SERPINA9: variants seen among roughly 807,000 people sequenced by gnomAD.
The protein encoded by SERPINA9 is serpin family A member 9.
In SERPINA9, 32 loss-of-function variants were observed where a neutral mutation model predicts 24.5. That is an observed-to-expected ratio of 1.30 (90% CI 0.98 to 1.75). The LOEUF is 1.75. SERPINA9 is among the 40% of genes most tolerant of loss of function. The pLI, the probability that SERPINA9 is intolerant of heterozygous loss-of-function variation, is 0.00. For synonymous variants in SERPINA9, 233 were observed against 197.7 expected (o/e 1.18, Z -1.50); for missense variants, 594 against 497.1 (o/e 1.19, Z -1.85).
intron 1 of SERPINA9, among the ~76,000 whole-genome samples, chr14:94,475,745 T>A (rs1899592509): frequency 6.6e-6 from 1 of 152,322 alleles, no homozygotes; most frequent in Admixed American, 6.5e-5. Flanking sequence ...TGATCCTTGC[T>A]GTTAGTTTGG....
intron 4 of SERPINA9, among the ~76,000 whole-genome samples, chr14:94,463,545 C>T (rs1898844075): frequency 6.6e-6 from 1 of 152,270 alleles, no homozygotes; most frequent in South Asian, 2.1e-4. Flanking sequence ...TCAGTTCTGC[C>T]ACTTATGGTT....
intron 2 of SERPINA9, among the ~76,000 whole-genome samples, chr14:94,467,826 T>C (rs981115843): frequency 6.6e-6 from 1 of 151,840 alleles, no homozygotes; most frequent in African/African-American, 2.4e-5. Flanking sequence ...GATGGATGGA[T>C]GAACCGATAG....
At chr14:94,470,017 G>T in intron 1 of SERPINA9, 160 bp from the exon 2 acceptor site, 1 of 655,240 alleles carries the variant, frequency 1.5e-6, no homozygotes, top group Non-Finnish European at 2.4e-6. Context: ...ATATTCCCAT[G>T]ATGTAGATCT....
At chr14:94,475,793 A>C in intron 1 of SERPINA9, 1 of 397,938 alleles carries the variant, frequency 2.5e-6, no homozygotes, top group Admixed American at 4.1e-5. Context: ...CAAAGAAACC[A>C]ACAACGACAC....
intron 1 of SERPINA9, among the ~76,000 whole-genome samples, chr14:94,475,322 A>T (rs576547817): frequency 6.6e-6 from 1 of 152,038 alleles, no homozygotes; most frequent in East Asian, 1.9e-4. Flanking sequence ...TTCAGGGAAA[A>T]GCTTCACCTT....
chr14:94,468,259 T>C (rs932143359), intron 2 of SERPINA9, among the ~76,000 whole-genome samples: 4 of 152,116 alleles, frequency 2.6e-5, no homozygotes, highest in East Asian at 3.9e-4. Flanking sequence ...GGTGAATGGG[T>C]AGATGGATAG....
At chr14:94,464,491 G>A in intron 4 of SERPINA9, 2 of 565,160 alleles carry the variant, frequency 3.5e-6, no homozygotes, top group Non-Finnish European at 6.2e-6. Context: ...TGACTGCTGA[G>A]GATGGCTTCG....
intron 4 of SERPINA9, among the ~76,000 whole-genome samples, chr14:94,463,741 G>A (rs1460431983): frequency 6.6e-6 from 1 of 152,202 alleles, no homozygotes; most frequent in Admixed American, 6.5e-5. Flanking sequence ...TATGACTAAG[G>A]TTAGATCCCT....
chr14:94,474,237 G>A (rs910854234), intron 1 of SERPINA9, among the ~76,000 whole-genome samples: 2 of 152,176 alleles, frequency 1.3e-5, no homozygotes, highest in Admixed American at 6.5e-5. Context: ...CCCCACTGAC[G>A]CTGGGTTGTG....
At chr14:94,475,874 T>C (rs2139831209) in intron 1 of SERPINA9, 2 of 518,962 alleles carry the variant, frequency 3.9e-6, no homozygotes, top group African/African-American at 1.9e-5. Flanking sequence ...CTCCTCCCCT[T>C]GTGGCCCAAA....
intron 4 of SERPINA9, 61 bp from the exon 5 acceptor site, chr14:94,463,357 A>T: frequency 2.0e-6 from 3 of 1,469,000 alleles, no homozygotes; most frequent in Non-Finnish European, 2.8e-6. Context: ...TAACTGAGTA[A>T]ACTAAACTGA....
In SERPINA9 at chr14:94,467,327, C is replaced by T; in HGVS notation, c.684G>A (p.Leu228=). Residue 228 remains leucine (L), a synonymous_variant, in exon 3 of 5, where the codon CTG becomes CTA. Transcript: ENST00000674397. Reference sequence around the variant, plus strand: ...CATGCACAGTGACCTGCTCGCCCACCAGGAATGGGAAGTTCTTTCTTGTAT... The same window carrying T: ...CATGCACAGTGACCTGCTCGCCCACTAGGAATGGGAAGTTCTTTCTTGTAT... ...PEYTRKNFPF[L]VGEQVTVHVP... is the part of the protein sequence containing the mutation. 1 of 1,614,018 alleles carries T rather than the reference C, an allele frequency of 6.2e-7. No homozygotes were observed. The highest frequency in any genetic ancestry group is 1.3e-5 in the African/African-American group (1 of 75,050).
chr14:94,463,488 G>A (rs765671001), intron 4 of SERPINA9, among the ~76,000 whole-genome samples, 192 bp from the exon 5 acceptor site: 22 of 152,316 alleles, frequency 1.4e-4, no homozygotes, highest in Non-Finnish European at 1.8e-4. Flanking sequence ...TCCTTACACC[G>A]GGATTGAGAT....
rs563120500 is a variant in SERPINA9, at chr14:94,463,157, A to C, written c.1190T>G (p.Ile397Ser). 6.2e-7 allele frequency: 1 copy of C among 1,614,168 alleles called. No individual in the cohort carries two copies. Among genetic ancestry groups the C allele is most frequent in the South Asian group, 1.1e-5 (1 of 91,084 alleles). Residue 397 changes from isoleucine to serine, a missense_variant, in exon 5 of 5, where the codon ATT (isoleucine) becomes AGT (serine). Coordinates refer to ENST00000674397, the MANE Select transcript of SERPINA9 (RefSeq NM_175739.4). Reference protein sequence around the residue: ...VSFNRTFLMMITNKATDGILF... With the variant: ...VSFNRTFLMMSTNKATDGILF... ...AATACCGTCTGTGGCTTTATTTGTA[A>C]TCATCATCAGGAAGGTCCTATTGAA...
intron 1 of SERPINA9, among the ~76,000 whole-genome samples, chr14:94,474,982 G>A (rs536047090): frequency 4.6e-5 from 7 of 152,182 alleles, no homozygotes; most frequent in African/African-American, 1.7e-4. Context: ...TATTTATTGG[G>A]CCCTGACTCA....
intron 1 of SERPINA9, chr14:94,470,260 TC>T: frequency 1.0e-6 from 1 of 964,842 alleles, no homozygotes; most frequent in Non-Finnish European, 1.2e-6. Context: ...CCTTTGGAGG[TC>T]CCTCCACACA....
At chr14:94,474,582 C>T (rs1195040574) in intron 1 of SERPINA9, among the ~76,000 whole-genome samples, 3 of 152,196 alleles carry the variant, frequency 2.0e-5, no homozygotes, top group Admixed American at 1.3e-4. Context: ...CCACCACACT[C>T]CCCACTTTGC....
At chr14:94,467,744 G>A (rs1196186532) in intron 2 of SERPINA9, among the ~76,000 whole-genome samples, 1 of 152,084 alleles carries the variant, frequency 6.6e-6, no homozygotes, top group Non-Finnish European at 1.5e-5. Context: ...GATGGAGGGT[G>A]GATGGATAGA....
chr14:94,463,213 C>T lies in SERPINA9; in HGVS notation c.1134G>A (p.Ser378=), dbSNP rs139618805. 1.3e-4 allele frequency: 207 copies of T among 1,614,154 alleles called. 1 individual carries two copies. In the African/African-American group the frequency reaches 1.7e-3, roughly 13 times the overall value. The change falls in exon 5 of 5, where the codon TCG becomes TCA. Residue 378 remains serine, a synonymous_variant. Coordinates refer to ENST00000674397, the MANE Select transcript of SERPINA9 (RefSeq NM_175739.4). Reference sequence around the variant, plus strand: ...CAGTGAAGTAAGAGGGGCCATCCTTCGATCGGACTATGAACTTGGTGGTGG... The same window carrying T: ...CAGTGAAGTAAGAGGGGCCATCCTTTGATCGGACTATGAACTTGGTGGTGG... ...AATTTKFIVR[S]KDGPSYFTVS...
Sources: gnomAD v4.1 joint callset for allele counts (sites outside exome capture counted in the v4.1 genomes callset) on GRCh38, gnomAD v4.1.1 for gene constraint, MANE v1.5 for transcripts, NCBI Gene and HGNC (gene_info 2026-07-23, HGNC 2026-07-21) for gene names.